The following ZNF841 variants were observed in gnomAD, a reference collection of about 807,000 sequenced individuals.
The protein encoded by ZNF841 is zinc finger protein 841.
Under a neutral mutation model 13.0 loss-of-function variants are expected in ZNF841, and 11 were observed. The observed-to-expected ratio is 0.85, with a 90% CI of 0.53 to 1.40. ZNF841 has a LOEUF of 1.40. Among genes scored for constraint, ZNF841 ranks in the 40% most tolerant of loss-of-function variants. The probability of loss-of-function intolerance (pLI) is 0.00; values close to 1 mark genes in which losing one functional copy is unlikely to be tolerated. For synonymous variants in ZNF841, 369 were observed against 381.6 expected (o/e 0.97, Z 0.38); for missense variants, 1,068 against 1,139.5 (o/e 0.94, Z 0.90).
chr19:52,090,520 G>A (rs2088434033), intron 2 of ZNF841, among the ~76,000 whole-genome samples: 1 of 151,648 alleles, frequency 6.6e-6, no homozygotes, highest in Non-Finnish European at 1.5e-5. Context: ...GGTTGCCTGA[G>A]CCCAGGAGTT....
intron 6 of ZNF841, among the ~76,000 whole-genome samples, chr19:52,070,169 A>AAC (rs2087698987): frequency 6.6e-6 from 1 of 152,224 alleles, no homozygotes; most frequent in Admixed American, 6.5e-5. Context: ...CAGTGCAGAT[A>AAC]ACAGGTCAAC....
intron 4 of ZNF841, among the ~76,000 whole-genome samples, chr19:52,083,411 C>G (rs1241099891): frequency 6.9e-6 from 1 of 145,878 alleles, no homozygotes; most frequent in African/African-American, 2.6e-5. Flanking sequence ...TGACACATGA[C>G]ATGTCCCACT....
At chr19:52,059,997 G>C (rs913027080), downstream of ZNF841, among the ~76,000 whole-genome samples, 3 of 152,204 alleles carry the variant, frequency 2.0e-5, no homozygotes, top group African/African-American at 7.2e-5. Flanking sequence ...CATTAGGTCA[G>C]CACCAAGCAG....
In ZNF841 at chr19:52,067,595, C is replaced by T. The variant is rs760703228; in HGVS notation, c.287G>A (p.Cys96Tyr). Residue 96 changes from cysteine to tyrosine, a missense_variant, in exon 7 of 7, where the codon TGT becomes TAT. Transcript: ENST00000594440. ...KGVITGISPK[C>Y]VIKELPPIQN... ...TATTGGTGGTAATTCCTTGATCACA[C>T]ATTTAGGAGAGATACCTGCAAAATA... 3.9e-6 allele frequency: 6 copies of T among 1,519,576 alleles called. No individual in the cohort carries two copies. In the East Asian group the frequency reaches 1.2e-4, roughly 29 times the overall value. The allele number at this position is 1,519,576 out of a possible 1,614,324, so 94.1% of individuals were successfully genotyped here. A position where few individuals can be genotyped will look rare whatever the true frequency, so the allele number is the denominator to read the frequency against.
At chr19:52,081,573 C>T (rs1416720203) in intron 4 of ZNF841, among the ~76,000 whole-genome samples, 1 of 152,200 alleles carries the variant, frequency 6.6e-6, no homozygotes, top group Non-Finnish European at 1.5e-5. Flanking sequence ...AATTCTAAGG[C>T]TGGGCACCGT....
intron 2 of ZNF841, among the ~76,000 whole-genome samples, chr19:52,090,654 G>GGAAAGAAAGAGA (rs2088447319): frequency 1.2e-5 from 1 of 84,590 alleles, no homozygotes; most frequent in Non-Finnish European, 2.2e-5. Context: ...AAGGAAGGAA[G>GGAAAGAAAGAGA]GAAAGAAAGA....
At chr19:52,068,676 A>C (rs1180663000) in intron 6 of ZNF841, among the ~76,000 whole-genome samples, 2 of 151,572 alleles carry the variant, frequency 1.3e-5, no homozygotes, top group Non-Finnish European at 2.9e-5. Context: ...CTCAAAAAAA[A>C]AAAAAAAAAT....
chr19:52,065,381 G>T lies in ZNF841; in HGVS notation c.2501C>A (p.Ser834Ter). 1 of 1,608,068 alleles carries T rather than the reference G, an allele frequency of 6.2e-7. No individual in the cohort carries two copies. The highest frequency in any genetic ancestry group is 8.5e-7 in the Non-Finnish European group (1 of 1,176,766). ...NECGKAFIER[S>*]NLVYHQRNHT... ...GTTTCTCTGATGGTAAACCAAGTTTGACCTTTCGATAAAAGCTTTACCACA... is the reference window on the plus strand; with the variant it reads ...GTTTCTCTGATGGTAAACCAAGTTTTACCTTTCGATAAAAGCTTTACCACA... Residue 834 changes from serine to a stop codon, truncating the protein, a stop_gained, in exon 7 of 7, where the codon TCA (serine) becomes TAA (stop). Transcript: ENST00000594440. LOFTEE classifies it low-confidence loss of function (END_TRUNC).
At chr19:52,090,626 AGAAAGAAGGAAG>A (rs1285310838) in intron 2 of ZNF841, among the ~76,000 whole-genome samples, 1 of 96,708 alleles carries the variant, frequency 1.0e-5, no homozygotes, top group African/African-American at 4.8e-5. Context: ...AAAGAAAGAA[AGAAAGAAGGAAG>A]GAAGGAAGGA....
At chr19:52,075,963 C>T in intron 6 of ZNF841, 81 bp downstream of exon 6, 2 of 1,470,878 alleles carry the variant, frequency 1.4e-6, no homozygotes, top group Non-Finnish European at 1.8e-6. Flanking sequence ...AATTTGTTTC[C>T]CCACAGAACT....
intron 4 of ZNF841, among the ~76,000 whole-genome samples, chr19:52,077,921 G>A (rs896141861): frequency 9.2e-5 from 14 of 152,166 alleles, no homozygotes; most frequent in East Asian, 1.9e-4. Context: ...CATAGGGGAC[G>A]AATGCTACAG....
Position 52,074,577 on chromosome 19 carries a change from C to T in ZNF841, c.271+1467G>A, listed in dbSNP as rs534619131. 2.4e-4 allele frequency among the ~76,000 whole-genome samples: 36 copies of T among 151,956 alleles called. 1 individual carries two copies. In the South Asian group the frequency reaches 6.4e-3, roughly 27 times the overall value. On this transcript the variant is annotated intron_variant, in intron 6 of 6. Transcript: ENST00000594440. ...TTGTTCCCCAGGCTAGAGTGCATGG[C>T]GCAATCTCAGCTCACTACAACCTCC...
intron 1 of ZNF841, among the ~76,000 whole-genome samples, chr19:52,094,472 G>T (rs1418928473): frequency 6.6e-6 from 1 of 151,798 alleles, no homozygotes; most frequent in African/African-American, 2.4e-5. Context: ...TCTGCCCAAT[G>T]CTCTGCAACT....
intron 6 of ZNF841, among the ~76,000 whole-genome samples, chr19:52,071,256 A>G (rs2087731777): frequency 6.6e-6 from 1 of 152,210 alleles, no homozygotes; most frequent in South Asian, 2.1e-4. Context: ...CATAAGTTCT[A>G]TTTCCAGGTA....
chr19:52,076,995 G>A lies in ZNF841; in HGVS notation c.105C>T (p.Asp35=). The change falls in exon 5 of 7, where the codon GAC becomes GAT. Residue 35 remains aspartate, a synonymous_variant. Transcript: ENST00000594440. ...GGTTCCTGTAGTTCTCCAACATCAC[G>A]TCCCTGTACAAAGCTTTCTGAACAG... ...LDPVQKALYR[D]VMLENYRNLG... 3 of 1,613,246 alleles carry A rather than the reference G, an allele frequency of 1.9e-6. No homozygotes were observed. The highest frequency in any genetic ancestry group is 1.1e-5 in the South Asian group (1 of 91,076).
intron 5 of ZNF841, 65 bp downstream of exon 5, chr19:52,076,893 A>G: frequency 6.3e-7 from 1 of 1,584,776 alleles, no homozygotes; most frequent in Middle Eastern, 1.7e-4. Flanking sequence ...CACAAGAAAC[A>G]CAATAAGGAA....
intron 1 of ZNF841, among the ~76,000 whole-genome samples, chr19:52,095,009 T>C (rs1341881666): frequency 1.3e-5 from 2 of 152,154 alleles, no homozygotes; most frequent in East Asian, 1.9e-4. Context: ...GTTTTTCCTT[T>C]TGCTCCGTCG....
chr19:52,081,822 C>T (rs1395153437), intron 4 of ZNF841, among the ~76,000 whole-genome samples: 1 of 152,036 alleles, frequency 6.6e-6, no homozygotes, highest in East Asian at 1.9e-4. Context: ...CCACTGCACT[C>T]CAGCCTGGGA....
chr19:52,068,863 T>G (rs994456106), intron 6 of ZNF841, among the ~76,000 whole-genome samples: 1 of 151,708 alleles, frequency 6.6e-6, no homozygotes, highest in African/African-American at 2.4e-5. Context: ...TCCCAACTAC[T>G]CAGGAGGCTG....
Sources: gnomAD v4.1 joint callset for allele counts (sites outside exome capture counted in the v4.1 genomes callset) on GRCh38, gnomAD v4.1.1 for gene constraint, MANE v1.5 for transcripts, NCBI Gene and HGNC (gene_info 2026-07-23, HGNC 2026-07-21) for gene names.